Variants in THOC1 observed in about 807,000 individuals in gnomAD.
THOC1 encodes the protein THO complex subunit 1, also known as THO complex 1.
A neutral mutation model predicts 97.3 loss-of-function variants in THOC1; 29 were observed. The observed-to-expected ratio is 0.30, with a 90% CI of 0.22 to 0.41. The LOEUF (loss-of-function observed/expected upper bound fraction) is 0.41, where lower values mean the gene tolerates loss of function less well. Among genes scored for constraint, THOC1 ranks in the 10% least tolerant of loss-of-function variants. THOC1 has a pLI of 1.00. For synonymous variants in THOC1, 255 were observed against 257.0 expected, an observed-to-expected ratio of 0.99 and a Z score of 0.07; for missense variants, 529 against 761.9, an observed-to-expected ratio of 0.69 and a Z score of 3.60.
Position 246,555 on chromosome 18 carries a change from G to A in THOC1, c.787-100C>T, listed in dbSNP as rs1272723591. 9 of 966,582 alleles carry A rather than the reference G, an allele frequency of 9.3e-6. No individual in the cohort carries two copies. The Admixed American group carries it at 2.3e-4, about 25-fold the overall frequency. The allele number at this position is 966,582 out of a possible 1,614,324, so 59.9% of individuals were successfully genotyped here. A position where few individuals can be genotyped will look rare whatever the true frequency, so the allele number is the denominator to read the frequency against. ...CTAGAATTTACTCCCAGTCAATCAT[G>A]TATGTAGACTGTATATTGCAAGGCA... On this transcript the variant is annotated intron_variant, in intron 10 of 20. Coordinates refer to ENST00000261600, the MANE Select transcript of THOC1 (RefSeq NM_005131.3).
Position 264,111 on chromosome 18 carries a change from CAATTT to C in THOC1, c.190-24_190-20del. The C allele has an allele frequency of 3.1e-6, 5 of 1,587,418 alleles. No homozygotes were observed. The highest frequency in any genetic ancestry group is 1.1e-5 in the South Asian group (1 of 88,444). ...GATTTATCTACCAACAGAGGAGAAA[CAATTT>C]AATTTAGGGGCAAGAGTTCAGACTA... On this transcript the variant is annotated intron_variant, in intron 3 of 20. Transcript: ENST00000261600.
At chr18:237,902 T>C (rs1295028972) in intron 11 of THOC1, among the ~76,000 whole-genome samples, 1 of 152,180 alleles carries the variant, frequency 6.6e-6, no homozygotes, top group Non-Finnish European at 1.5e-5. Flanking sequence ...AGTCTCACTC[T>C]GTTGCCCAGG....
intron 1 of THOC1, 95 bp from the exon 2 acceptor site, chr18:265,625 A>G: frequency 4.1e-6 from 4 of 980,602 alleles, no homozygotes; most frequent in Non-Finnish European, 5.9e-6. Flanking sequence ...TTACTAACTA[A>G]AAAATGCTTA....
chr18:222,479 C>G (rs1911125532), intron 17 of THOC1, among the ~76,000 whole-genome samples: 1 of 152,062 alleles, frequency 6.6e-6, no homozygotes, highest in Non-Finnish European at 1.5e-5. Context: ...AGTAATACTT[C>G]TAGAAATGAG....
chr18:258,019 A>G (rs754599846), intron 7 of THOC1, among the ~76,000 whole-genome samples: 4 of 152,300 alleles, frequency 2.6e-5, no homozygotes, highest in Non-Finnish European at 5.9e-5. Flanking sequence ...GATGTCCACA[A>G]TCCTAAGCAG....
chr18:241,710 A>C (rs779118068), intron 11 of THOC1, among the ~76,000 whole-genome samples: 14 of 152,186 alleles, frequency 9.2e-5, no homozygotes, highest in Non-Finnish European at 1.9e-4. Flanking sequence ...TATTCCTTTA[A>C]CCATCATGGT....
chr18:225,947 T>G (rs970314420), intron 12 of THOC1: 1 of 152,700 alleles, frequency 6.5e-6, no homozygotes, highest in African/African-American at 2.4e-5. Context: ...CATTGAATTC[T>G]CGGAACAAGT....
chr18:228,547 C>A (rs1911376221), intron 11 of THOC1, among the ~76,000 whole-genome samples: 1 of 151,946 alleles, frequency 6.6e-6, no homozygotes, highest in Non-Finnish European at 1.5e-5. Flanking sequence ...CCAAAATCAC[C>A]AAAAACAACC....
Position 242,461 on chromosome 18 carries a change from T to A in THOC1, c.918+3863A>T, listed in dbSNP as rs62073528. On this transcript the variant is annotated intron_variant, in intron 11 of 20. Coordinates refer to ENST00000261600, the MANE Select transcript of THOC1 (RefSeq NM_005131.3). The surrounding 1 kb of genome is among the most constrained non-coding windows in gnomAD (Gnocchi z 4.5). ...GTGTCTCAAAAAAAAAAAAAAAGTT[T>A]GTATCATCCTTGCCAAGCATTGTTT... Among the ~76,000 whole-genome samples the A allele has an allele frequency of 6.6e-6, 1 of 151,118 alleles. No individual in the cohort carries two copies. The highest frequency in any genetic ancestry group is 6.6e-5 in the Admixed American group (1 of 15,130).
intron 7 of THOC1, 130 bp downstream of exon 7, chr18:259,050 A>G (rs1247609287): frequency 3.0e-6 from 2 of 668,432 alleles, no homozygotes; most frequent in Non-Finnish European, 5.1e-6. Context: ...AAAAGAAAAT[A>G]AAGTGACAAT....
chr18:228,370 A>G (rs1911369604), intron 11 of THOC1, among the ~76,000 whole-genome samples: 1 of 152,114 alleles, frequency 6.6e-6, no homozygotes, highest in Admixed American at 6.5e-5. Flanking sequence ...TGTTAGTCCC[A>G]TCCCATTTTA....
Position 268,023 on chromosome 18 carries a change from C to T in THOC1, c.-4G>A, listed in dbSNP as rs750348593. The T allele has an allele frequency of 7.6e-6, 12 of 1,585,992 alleles. No individual in the cohort carries two copies. The highest frequency in any genetic ancestry group is 1.7e-5 in the Admixed American group (1 of 57,612). ...AGAGCGGCGGCGTCGGAGACATCTT[C>T]TCGGCTGCGCGTGCCCGCCACTGCG... On this transcript the variant is annotated 5_prime_UTR_variant, in exon 1 of 21. Coordinates refer to ENST00000261600, the MANE Select transcript of THOC1 (RefSeq NM_005131.3).
intron 20 of THOC1, 86 bp from the exon 21 acceptor site, chr18:215,007 C>T (rs1910820846): frequency 8.3e-7 from 1 of 1,206,156 alleles, no homozygotes. Context: ...GTTTTATTAA[C>T]CACCTTTAGT....
intron 11 of THOC1, among the ~76,000 whole-genome samples, chr18:243,341 A>T (rs1483083485): frequency 6.6e-6 from 1 of 152,218 alleles, no homozygotes; most frequent in Non-Finnish European, 1.5e-5. Flanking sequence ...TAAAAGCATC[A>T]ATCCCATATT....
chr18:244,053 A>G (rs1163716386), intron 11 of THOC1, among the ~76,000 whole-genome samples: 2 of 151,948 alleles, frequency 1.3e-5, no homozygotes, highest in African/African-American at 4.8e-5. Flanking sequence ...TTTGGTGGTT[A>G]CCCTTTTAAT....
chr18:236,318 T>C (rs974996433), intron 11 of THOC1, among the ~76,000 whole-genome samples: 1 of 151,300 alleles, frequency 6.6e-6, no homozygotes, highest in Non-Finnish European at 1.5e-5. Context: ...ATTACAGAAC[T>C]CAGCTTTGCA....
intron 7 of THOC1, 34 bp downstream of exon 7, chr18:259,146 C>T: frequency 6.7e-7 from 1 of 1,484,634 alleles, no homozygotes; most frequent in Admixed American, 2.0e-5. Flanking sequence ...AAAGATTTTC[C>T]TGCAGAAAAC....
At chr18:215,088 T>C (rs926040173) in intron 20 of THOC1, among the ~76,000 whole-genome samples, 167 bp from the exon 21 acceptor site, 3 of 152,346 alleles carry the variant, frequency 2.0e-5, no homozygotes, top group Non-Finnish European at 2.9e-5. Flanking sequence ...TTAATAAGCA[T>C]GGTCAATAAT....
At chr18:222,813 G>A (rs1743135114) in intron 17 of THOC1, among the ~76,000 whole-genome samples, 1 of 152,120 alleles carries the variant, frequency 6.6e-6, no homozygotes, top group African/African-American at 2.4e-5. Flanking sequence ...TTATTATCAT[G>A]TACAGAGATA....
Sources: allele counts gnomAD v4.1 joint callset (sites outside exome capture counted in the v4.1 genomes callset), GRCh38; gene constraint gnomAD v4.1.1; non-coding constraint Gnocchi (gnomAD v3.1); transcripts MANE v1.5; gene names NCBI Gene and HGNC (gene_info 2026-07-23, HGNC 2026-07-21).